The following HHAT variants were observed in gnomAD, a reference collection of about 807,000 sequenced individuals.
The protein encoded by HHAT is hedgehog acyltransferase, also known as protein-cysteine N-palmitoyltransferase HHAT.
In HHAT, 47 loss-of-function variants were observed where a neutral mutation model predicts 70.8. That is an observed-to-expected ratio of 0.66 (90% CI 0.53 to 0.85). The LOEUF (loss-of-function observed/expected upper bound fraction) is 0.85, where lower values mean the gene tolerates loss of function less well. Ranked by LOEUF, HHAT falls within the 40% of genes least tolerant of loss-of-function variation. The probability of loss-of-function intolerance (pLI) is 0.00; values close to 1 mark genes in which losing one functional copy is unlikely to be tolerated. For missense variants in HHAT, 609 were observed against 604.8 expected (o/e 1.01, Z -0.07); for synonymous variants, 228 against 247.6 (o/e 0.92, Z 0.74).
chr1:210,423,878 A>C (rs529298894), intron 7 of HHAT, among the ~76,000 whole-genome samples: 1 of 152,110 alleles, frequency 6.6e-6, no homozygotes, highest in African/African-American at 2.4e-5. Context: ...TGGATTCTCT[A>C]TTCTTTTATA....
intron 8 of HHAT, among the ~76,000 whole-genome samples, chr1:210,468,006 A>G (rs1187808349): frequency 6.6e-6 from 1 of 152,186 alleles, no homozygotes; most frequent in African/African-American, 2.4e-5. Flanking sequence ...CAATTCACCA[A>G]GAAGGCCCAA....
intron 10 of HHAT, among the ~76,000 whole-genome samples, chr1:210,619,496 G>A (rs1668421868): frequency 6.6e-6 from 1 of 152,116 alleles, no homozygotes; most frequent in South Asian, 2.1e-4. Flanking sequence ...CAGAGGAAAG[G>A]GGGTGCATTT....
chr1:210,567,125 A>T (rs1654960064), intron 9 of HHAT, among the ~76,000 whole-genome samples: 1 of 152,216 alleles, frequency 6.6e-6, no homozygotes, highest in East Asian at 1.9e-4. Context: ...TCCCTGTTGC[A>T]CATCCTGTGA....
intron 8 of HHAT, among the ~76,000 whole-genome samples, chr1:210,494,758 G>A (rs1474307489): frequency 1.3e-5 from 2 of 151,870 alleles, no homozygotes; most frequent in Non-Finnish European, 1.5e-5. Context: ...TCACCATGTT[G>A]GCCAGGCTGG....
At chr1:210,359,825 CCA>C (rs1475927839) in intron 2 of HHAT, among the ~76,000 whole-genome samples, 5 of 152,004 alleles carry the variant, frequency 3.3e-5, no homozygotes, top group African/African-American at 9.7e-5. Flanking sequence ...CAAGATCGCA[CCA>C]CTGTACTCCA....
At chr1:210,632,190 G>A (rs1355107721) in intron 11 of HHAT, among the ~76,000 whole-genome samples, 1 of 152,210 alleles carries the variant, frequency 6.6e-6, no homozygotes, top group African/African-American at 2.4e-5. Context: ...AGCTGATGAA[G>A]TCCTAACCAC....
chr1:210,454,162 A>T (rs889656168), intron 7 of HHAT, among the ~76,000 whole-genome samples: 1 of 152,134 alleles, frequency 6.6e-6, no homozygotes, highest in African/African-American at 2.4e-5. Flanking sequence ...TGGGAGATAT[A>T]ATTTAAGTTG....
intron 1 of HHAT, among the ~76,000 whole-genome samples, chr1:210,348,004 A>G (rs187195930): frequency 1.3e-5 from 2 of 152,300 alleles, no homozygotes; most frequent in East Asian, 1.9e-4. Context: ...TGAATTCTGA[A>G]AAGGGGTAGT....
At chr1:210,460,190 C>T (rs2093951222) in intron 7 of HHAT, among the ~76,000 whole-genome samples, 1 of 152,194 alleles carries the variant, frequency 6.6e-6, no homozygotes, top group Non-Finnish European at 1.5e-5. Context: ...AGCATCACTT[C>T]TTCTATATCT....
intron 10 of HHAT, among the ~76,000 whole-genome samples, chr1:210,599,274 C>G (rs574942666): frequency 6.6e-6 from 1 of 152,306 alleles, no homozygotes; most frequent in African/African-American, 2.4e-5. Flanking sequence ...CAGTGCAGCT[C>G]TAGAACATAC....
intron 1 of HHAT, chr1:210,329,334 G>A (rs1032367353): frequency 2.6e-5 from 32 of 1,210,748 alleles, no homozygotes; most frequent in Non-Finnish European, 3.1e-6. Context: ...TCTAGGCGCC[G>A]GGACAAGTCC....
At position 210,636,190 on chromosome 1, in the gene HHAT, C is replaced by T. The variant is rs548477744; in HGVS notation, c.1390+12520C>T. 5.9e-5 allele frequency among the ~76,000 whole-genome samples: 9 copies of T among 152,232 alleles called. No individual in the cohort carries two copies. In the East Asian group the frequency reaches 1.5e-3, roughly 26 times the overall value. On this transcript the variant is annotated intron_variant, in intron 11 of 11. Coordinates refer to ENST00000261458, the MANE Select transcript of HHAT (RefSeq NM_018194.6). ...CTTGCTTAATTACATGTGAGGTATT[C>T]CTGAGGCCTAGTGTGAAGGTATCTT...
intron 11 of HHAT, among the ~76,000 whole-genome samples, chr1:210,637,858 CAA>C (rs33961605): frequency 6.9e-5 from 8 of 116,392 alleles, no homozygotes; most frequent in Non-Finnish European, 1.3e-4. Context: ...GACTCCGTCT[CAA>C]AAAAAAAAAA....
At chr1:210,662,228 C>T (rs186896050) in intron 11 of HHAT, among the ~76,000 whole-genome samples, 2 of 152,206 alleles carry the variant, frequency 1.3e-5, no homozygotes, top group African/African-American at 2.4e-5. Context: ...CCTCAGCCTT[C>T]GGTGGCACCT....
chr1:210,532,501 C>A (rs1226072762), intron 9 of HHAT, among the ~76,000 whole-genome samples: 2 of 152,310 alleles, frequency 1.3e-5, no homozygotes, highest in Non-Finnish European at 2.9e-5. Flanking sequence ...GGTAAAAACA[C>A]CTTATGATTT....
chr1:210,391,860 G>A (rs1239271786), intron 4 of HHAT, among the ~76,000 whole-genome samples: 1 of 152,018 alleles, frequency 6.6e-6, no homozygotes, highest in Non-Finnish European at 1.5e-5. Flanking sequence ...AGCCACCAGT[G>A]CTATGTGATT....
rs57190952 is a variant in HHAT, at chr1:210,644,602, CAAAAA to C, written c.1390+20953_1390+20957del. ...TGAGTGACAAAGCAAGACTCCATCT[CAAAAA>C]AAAAAAAAAAAAAAAAAAAAGTAAT... On this transcript the variant is annotated intron_variant, in intron 11 of 11. Transcript: ENST00000261458. Among the ~76,000 whole-genome samples, 613 of 63,970 alleles carry C rather than the reference CAAAAA, an allele frequency of 9.6e-3. 1 individual carries two copies. The highest frequency in any genetic ancestry group is 0.026 in the African/African-American group (350 of 13,500). The allele number at this position is 63,970 out of a possible 152,430, so 42.0% of individuals were successfully genotyped here.
At chr1:210,471,833 GT>G (rs748360883) in intron 8 of HHAT, among the ~76,000 whole-genome samples, 5 of 152,214 alleles carry the variant, frequency 3.3e-5, no homozygotes, top group Admixed American at 6.5e-5. Context: ...TTAGTGAGAA[GT>G]TTTTTGCAGA....
At chr1:210,661,229 A>AAAAT (rs61376128) in intron 11 of HHAT, among the ~76,000 whole-genome samples, 1 of 151,566 alleles carries the variant, frequency 6.6e-6, no homozygotes, top group Non-Finnish European at 1.5e-5. Context: ...AAGAAAGAAA[A>AAAAT]AACCCCATCA....
Sources: gnomAD v4.1 joint callset for allele counts (sites outside exome capture counted in the v4.1 genomes callset) on GRCh38, gnomAD v4.1.1 for gene constraint, MANE v1.5 for transcripts, NCBI Gene and HGNC (gene_info 2026-07-23, HGNC 2026-07-21) for gene names.